DSE: variants seen among roughly 807,000 people sequenced by gnomAD.
DSE encodes dermatan sulfate epimerase.
Under a neutral mutation model 84.4 loss-of-function variants are expected in DSE, and 36 were observed. The observed-to-expected ratio is 0.43, with a 90% confidence interval of 0.33 to 0.56. The LOEUF (loss-of-function observed/expected upper bound fraction) is 0.56, where lower values mean the gene tolerates loss of function less well. DSE is among the 20% of genes least tolerant of loss of function. The probability of loss-of-function intolerance (pLI) is 0.06; values close to 1 mark genes in which losing one functional copy is unlikely to be tolerated. For missense variants in DSE, 862 were observed against 1,169.6 expected, an observed-to-expected ratio of 0.74 and a Z score of 3.84; for synonymous variants, 410 against 430.1, an observed-to-expected ratio of 0.95 and a Z score of 0.58.
At chr6:116,273,855 G>C (rs1476026749) in intron 2 of DSE, among the ~76,000 whole-genome samples, 2 of 126,698 alleles carry the variant, frequency 1.6e-5, no homozygotes, top group African/African-American at 6.0e-5. Flanking sequence ...TTTTTGAGAC[G>C]AAGTCTCTCT....
At position 116,436,007 on chromosome 6, in the gene DSE, C is replaced by T; in HGVS notation, c.1539C>T (p.Tyr513=). 6.2e-7 allele frequency: 1 copy of T among 1,614,134 alleles called. No individual in the cohort carries two copies. ...ACTGCTCATCAAAATGGTCTAAATA[C>T]AAGCATGACCTGGCAGCTAGTTGTC... ...TEDCSSKWSK[Y]KHDLAASCQG... The change falls in exon 6 of 6, where the codon TAC becomes TAT. Residue 513 remains tyrosine, a synonymous_variant. Transcript: ENST00000644252.
intron 2 of DSE, chr6:116,278,813 A>G: frequency 6.2e-7 from 1 of 1,614,148 alleles, no homozygotes; most frequent in South Asian, 1.1e-5. Flanking sequence ...CTTACCTCAT[A>G]TTCCTTGACA....
intron 1 of DSE, among the ~76,000 whole-genome samples, chr6:116,373,912 C>A (rs1198228371): frequency 6.6e-6 from 1 of 151,998 alleles, no homozygotes; most frequent in Non-Finnish European, 1.5e-5. Context: ...GCATGATTTT[C>A]ACTCAATAGT....
chr6:116,333,188 T>G (rs9400904), intron 2 of DSE, among the ~76,000 whole-genome samples: 148,936 of 152,312 alleles, frequency 0.98, 72,917 homozygotes, highest in East Asian at 1. Context: ...GACCTATTTT[T>G]TGTCTTGTCT....
At chr6:116,344,460 A>T (rs1362370688) in intron 2 of DSE, among the ~76,000 whole-genome samples, 1 of 152,240 alleles carries the variant, frequency 6.6e-6, no homozygotes, top group Non-Finnish European at 1.5e-5. Flanking sequence ...ACAAGCCAGA[A>T]GACAGTGGGG....
intron 2 of DSE, among the ~76,000 whole-genome samples, chr6:116,323,899 A>G (rs1010857485): frequency 6.6e-6 from 1 of 152,086 alleles, no homozygotes; most frequent in Non-Finnish European, 1.5e-5. Context: ...CACTTCTACC[A>G]TCCTTCTTCA....
chr6:116,347,628 C>T (rs547521962), intron 2 of DSE, among the ~76,000 whole-genome samples: 4 of 152,168 alleles, frequency 2.6e-5, no homozygotes, highest in East Asian at 1.9e-4. Flanking sequence ...CCTTACACCG[C>T]ATACAAAAAT....
intron 1 of DSE, chr6:116,257,320 A>G (rs1424766073): frequency 1.3e-5 from 2 of 152,266 alleles, no homozygotes; most frequent in Non-Finnish European, 2.9e-5. Flanking sequence ...CAAGTGGTAG[A>G]GCCACAATCT....
chr6:116,262,499 CCT>C (rs1231839530), intron 2 of DSE, among the ~76,000 whole-genome samples: 2 of 151,904 alleles, frequency 1.3e-5, no homozygotes, highest in Admixed American at 6.6e-5. Flanking sequence ...TTATTTGAAT[CCT>C]CTCTCTTTTT....
At position 116,303,874 on chromosome 6, in the gene DSE, G is replaced by T. The variant is rs566286218; in HGVS notation, c.-54+44907G>T. 9.7e-4 allele frequency among the ~76,000 whole-genome samples: 147 copies of T among 152,254 alleles called. 5 individuals carry two copies. In the South Asian group the frequency reaches 0.03, roughly 31 times the overall value. On this transcript the variant is annotated intron_variant, in intron 2 of 3. Coordinates refer to the DSE transcript ENST00000430252. Reference sequence around the variant, plus strand: ...GTGGGGGCCCGGTGCGGTGGCTCATGCCTGTAATCCCAGCACTTTGGGAGG... The same window carrying T: ...GTGGGGGCCCGGTGCGGTGGCTCATTCCTGTAATCCCAGCACTTTGGGAGG...
intron 2 of DSE, among the ~76,000 whole-genome samples, chr6:116,317,466 T>C (rs188250180): frequency 9.7e-4 from 148 of 152,382 alleles, no homozygotes; most frequent in African/African-American, 3.5e-3. Context: ...ACACATTCTT[T>C]AACCTGGTTA....
At position 116,304,983 on chromosome 6, in the gene DSE, T is replaced by C. The variant is rs1414440302; in HGVS notation, c.-54+46016T>C. 2.0e-5 allele frequency among the ~76,000 whole-genome samples: 3 copies of C among 152,266 alleles called. No homozygotes were observed. In the East Asian group the frequency reaches 5.8e-4, roughly 29 times the overall value. On this transcript the variant is annotated intron_variant, in intron 2 of 3. Transcript: ENST00000430252. Reference sequence around the variant, plus strand: ...GATATCTCACTTGAGCTCCATGACTTTTTTCCAGCTGCCTAGTACACAGAT... The same window carrying C: ...GATATCTCACTTGAGCTCCATGACTCTTTTCCAGCTGCCTAGTACACAGAT...
At chr6:116,420,066 T>C (rs1386083358) in intron 2 of DSE, among the ~76,000 whole-genome samples, 5 of 152,150 alleles carry the variant, frequency 3.3e-5, no homozygotes, top group Non-Finnish European at 5.9e-5. Context: ...TACTAGGAAA[T>C]AGGATTAATT....
At chr6:116,297,779 C>G (rs1462678889) in intron 2 of DSE, among the ~76,000 whole-genome samples, 1 of 152,180 alleles carries the variant, frequency 6.6e-6, no homozygotes, top group African/African-American at 2.4e-5. Context: ...TCTAGCATCT[C>G]TTTGCCATGT....
chr6:116,435,781 A>G lies in DSE; in HGVS notation c.1313A>G (p.Asp438Gly). 1 of 1,614,140 alleles carries G rather than the reference A, an allele frequency of 6.2e-7. No homozygotes were observed. The highest frequency in any genetic ancestry group is 8.5e-7 in the Non-Finnish European group (1 of 1,180,002). The change falls in exon 6 of 6, where the codon GAT (aspartate) becomes GGT (glycine). Residue 438 changes from aspartate to glycine, a missense_variant. Transcript: ENST00000644252. ...YDIVHRNKYK[D>G]WIKGWRNFNA... ...ATTGTCCACAGAAACAAATACAAAG[A>G]TTGGATCAAAGGATGGAGAAATTTT...
upstream of DSE, chr6:116,367,064 A>G (rs1268042345): frequency 6.6e-6 from 1 of 152,194 alleles, no homozygotes; most frequent in East Asian, 1.9e-4. Flanking sequence ...GTCGCAGCGG[A>G]GCAGTCTTGG....
intron 3 of DSE, among the ~76,000 whole-genome samples, chr6:116,427,115 G>T (rs1452205723): frequency 6.6e-6 from 1 of 152,052 alleles, no homozygotes; most frequent in African/African-American, 2.4e-5. Context: ...TTTTTCCAGA[G>T]AATTTTGACA....
chr6:116,441,663 T>G lies in DSE; in HGVS notation c.*4318T>G, dbSNP rs1784431696. On this transcript the variant is annotated 3_prime_UTR_variant, in exon 6 of 6. Transcript: ENST00000644252. Reference sequence around the variant, plus strand: ...TGGTGATCAGGTTAGGCTTTATTGATGTCTCCACTTCCATTCTCTGTGTCA... The same window carrying G: ...TGGTGATCAGGTTAGGCTTTATTGAGGTCTCCACTTCCATTCTCTGTGTCA... The G allele has an allele frequency of 1.3e-5, 2 of 152,206 alleles. No individual in the cohort carries two copies. Among genetic ancestry groups the G allele is most frequent in the South Asian group, 4.1e-4 (2 of 4,834 alleles). The allele number at this position is 152,206 out of a possible 1,614,324, so 9.4% of individuals were successfully genotyped here.
chr6:116,312,442 A>G (rs898912866), intron 2 of DSE, among the ~76,000 whole-genome samples: 1 of 152,190 alleles, frequency 6.6e-6, no homozygotes, highest in South Asian at 2.1e-4. Context: ...GCCCTTGAAG[A>G]ACAGAAGGGA....
Sources: gnomAD v4.1 joint callset for allele counts (sites outside exome capture counted in the v4.1 genomes callset) on GRCh38, gnomAD v4.1.1 for gene constraint, MANE v1.5 for transcripts, NCBI Gene and HGNC (gene_info 2026-07-23, HGNC 2026-07-21) for gene names.